Variants in FOXP1 observed in about 807,000 individuals in gnomAD.
FOXP1 encodes forkhead box P1.
In FOXP1, 15 loss-of-function variants were observed where a neutral mutation model predicts 98.2. The observed-to-expected ratio is 0.15, with a 90% CI of 0.10 to 0.24. FOXP1 has a LOEUF of 0.24. Ranked by LOEUF, FOXP1 falls within the 10% of genes least tolerant of loss-of-function variation. The pLI is 1.00. For missense variants in FOXP1, 633 were observed against 848.5 expected, an observed-to-expected ratio of 0.75 and a Z score of 3.15; for synonymous variants, 371 against 314.5, an observed-to-expected ratio of 1.18 and a Z score of -1.90.
At chr3:71,322,703 G>T (rs1420759896) in intron 4 of FOXP1, among the ~76,000 whole-genome samples, 1 of 152,196 alleles carries the variant, frequency 6.6e-6, no homozygotes, top group African/African-American at 2.4e-5. Context: ...TGGCCACAGA[G>T]AAGTCTGGAG....
intron 2 of FOXP1, among the ~76,000 whole-genome samples, chr3:71,558,144 T>C (rs2046273427): frequency 6.6e-6 from 1 of 152,218 alleles, no homozygotes; most frequent in Non-Finnish European, 1.5e-5. Context: ...TCAGAGAATC[T>C]TCCTTCCCTC....
chr3:71,563,681 C>T (rs190439722), intron 2 of FOXP1, among the ~76,000 whole-genome samples: 129 of 152,250 alleles, frequency 8.5e-4, no homozygotes, highest in African/African-American at 3.0e-3. Flanking sequence ...AGTCTCAAAC[C>T]CAGAGGAGAC....
At chr3:70,966,218 C>T in intron 19 of FOXP1, 162 bp from the exon 20 acceptor site, 1 of 695,094 alleles carries the variant, frequency 1.4e-6, no homozygotes. Context: ...TTAAAAACGA[C>T]TCGTGGCACC....
chr3:70,966,364 A>G (rs1337265718), intron 19 of FOXP1: 3 of 391,512 alleles, frequency 7.7e-6, no homozygotes, highest in Non-Finnish European at 9.7e-6. Context: ...TTTATGTCGG[A>G]TGCGTTTTTA....
intron 3 of FOXP1, among the ~76,000 whole-genome samples, chr3:71,443,422 G>A (rs1482113189): frequency 6.6e-6 from 1 of 152,198 alleles, no homozygotes; most frequent in African/African-American, 2.4e-5. Flanking sequence ...ACTGTGAACA[G>A]GACATGGGCA....
Position 71,282,032 on chromosome 3 carries a change from C to A in FOXP1, c.-12+17788G>T, listed in dbSNP as rs368825937. 5.8e-4 allele frequency among the ~76,000 whole-genome samples: 88 copies of A among 152,058 alleles called. 2 individuals carry two copies. Among genetic ancestry groups the A allele is most frequent in the African/African-American group, 2.0e-3 (84 of 41,502 alleles). ...CTGAGAGGGGAAGACTCGCTTGAAC[C>A]CAGGAGGCGGAGGGTGCAGTGAGCT... is the stretch of plus-strand genomic sequence containing the variant. On this transcript the variant is annotated intron_variant, in intron 5 of 20. Coordinates refer to ENST00000649528, the MANE Select transcript of FOXP1 (RefSeq NM_001349338.3).
chr3:71,421,666 CAG>C (rs1470944124), intron 3 of FOXP1, among the ~76,000 whole-genome samples: 1 of 152,150 alleles, frequency 6.6e-6, no homozygotes, highest in Non-Finnish European at 1.5e-5. Context: ...ACACTAGAAA[CAG>C]AGGGGCCGCT....
rs774570964 is a variant in FOXP1, at chr3:71,164,954, A to G, written c.180+33248T>C. 3.5e-4 allele frequency among the ~76,000 whole-genome samples: 53 copies of G among 152,178 alleles called. 1 individual carries two copies. Among genetic ancestry groups the G allele is most frequent in the Non-Finnish European group, 1.3e-4 (9 of 68,026 alleles). Reference sequence around the variant, plus strand: ...TAAGATGACCAGAGTTACAACTGTTATTTTCTTCCTTAAACCAATTTACAT... The same window carrying G: ...TAAGATGACCAGAGTTACAACTGTTGTTTTCTTCCTTAAACCAATTTACAT... On this transcript the variant is annotated intron_variant, in intron 6 of 20. Transcript: ENST00000649528.
intron 2 of FOXP1, among the ~76,000 whole-genome samples, chr3:71,554,388 G>C (rs1453462370): frequency 6.6e-6 from 1 of 151,964 alleles, no homozygotes; most frequent in Non-Finnish European, 1.5e-5. Context: ...AAATTCAAAT[G>C]TGTTTAATCA....
At chr3:71,030,771 C>T (rs1337850757) in intron 11 of FOXP1, among the ~76,000 whole-genome samples, 4 of 152,110 alleles carry the variant, frequency 2.6e-5, no homozygotes, top group Non-Finnish European at 4.4e-5. Context: ...TTTATTCAAA[C>T]GCCACTGGAT....
At chr3:71,547,618 C>G (rs1275330407) in intron 2 of FOXP1, among the ~76,000 whole-genome samples, 1 of 152,198 alleles carries the variant, frequency 6.6e-6, no homozygotes, top group Non-Finnish European at 1.5e-5. Context: ...AGGCAACTTG[C>G]TGTTCTTGGG....
chr3:71,007,546 T>G (rs2042959601), intron 12 of FOXP1, among the ~76,000 whole-genome samples: 1 of 152,184 alleles, frequency 6.6e-6, no homozygotes, highest in African/African-American at 2.4e-5. Flanking sequence ...CATGTGGAAG[T>G]GCTTAAGGGG....
intron 14 of FOXP1, among the ~76,000 whole-genome samples, chr3:70,981,343 G>A (rs2038824384): frequency 2.0e-5 from 3 of 152,166 alleles, no homozygotes. Flanking sequence ...GAAGAGAGCA[G>A]AGAGGGGGCT....
chr3:71,276,703 A>G (rs2070932421), intron 5 of FOXP1, among the ~76,000 whole-genome samples: 1 of 152,210 alleles, frequency 6.6e-6, no homozygotes. Context: ...GTGACCACGT[A>G]AGAGCGATGG....
chr3:70,974,793 A>C (rs1037191303), intron 17 of FOXP1, among the ~76,000 whole-genome samples: 6 of 152,196 alleles, frequency 3.9e-5, no homozygotes, highest in Non-Finnish European at 2.9e-5. Flanking sequence ...GATGCTTTAA[A>C]ATAAGTATCA....
chr3:71,457,750 CA>C (rs2087641627), intron 3 of FOXP1, among the ~76,000 whole-genome samples: 1 of 152,182 alleles, frequency 6.6e-6, no homozygotes, highest in East Asian at 1.9e-4. Flanking sequence ...CTGACATGCA[CA>C]ATCAAAGCAC....
chr3:71,564,871 T>C (rs1042098721), intron 2 of FOXP1, among the ~76,000 whole-genome samples: 2 of 152,052 alleles, frequency 1.3e-5, no homozygotes, highest in African/African-American at 4.8e-5. Flanking sequence ...TCTCAGCACT[T>C]TGGGAGGCTG....
At chr3:71,544,109 G>C (rs1464387879) in intron 2 of FOXP1, among the ~76,000 whole-genome samples, 1 of 151,506 alleles carries the variant, frequency 6.6e-6, no homozygotes. Flanking sequence ...CCTTTACTAT[G>C]TCTTTTAGGA....
chr3:70,975,108 T>G (rs1317551476), intron 17 of FOXP1, among the ~76,000 whole-genome samples: 1 of 152,234 alleles, frequency 6.6e-6, no homozygotes, highest in Non-Finnish European at 1.5e-5. Flanking sequence ...AGGCTGTTTA[T>G]ATTAATGACA....
Sources: gnomAD v4.1 joint callset for allele counts (sites outside exome capture counted in the v4.1 genomes callset) on GRCh38, gnomAD v4.1.1 for gene constraint, MANE v1.5 for transcripts, NCBI Gene and HGNC (gene_info 2026-07-23, HGNC 2026-07-21) for gene names.